ATP2B4: variants seen among roughly 807,000 people sequenced by gnomAD.
ATP2B4 encodes ATPase plasma membrane Ca2+ transporting 4.
In ATP2B4, 39 loss-of-function variants were observed where a neutral mutation model predicts 110.3. The observed-to-expected ratio is 0.35, with a 90% CI of 0.27 to 0.46. The LOEUF (loss-of-function observed/expected upper bound fraction) is 0.46. Ranked by LOEUF, ATP2B4 falls within the 20% of genes least tolerant of loss-of-function variation. The pLI, the probability that ATP2B4 is intolerant of heterozygous loss-of-function variation, is 1.00. For synonymous variants in ATP2B4, 538 were observed against 571.7 expected (o/e 0.94, Z 0.84); for missense variants, 1,135 against 1,530.9 (o/e 0.74, Z 4.32).
Position 203,721,329 on chromosome 1 carries a change from C to A in ATP2B4, c.2731C>A (p.Leu911Met). 1 of 1,614,228 alleles carries A rather than the reference C, an allele frequency of 6.2e-7. No homozygotes were observed. The highest frequency in any genetic ancestry group is 8.5e-7 in the Non-Finnish European group (1 of 1,180,050). The change falls in exon 17 of 21, where the codon CTG becomes ATG. Residue 911 changes from leucine to methionine, a missense_variant. Leu to Met is a conservative substitution (Grantham distance 15). This residue lies in a region of ATP2B4 where 155 missense variants were observed against 186.2 expected (regional missense o/e 0.83). Transcript: ENST00000357681. ...KRRPYGRNKP[L>M]ISRTMMKNIL... ...GCGCCCCTATGGCCGAAATAAGCCT[C>A]TGATCTCACGCACTATGATGAAGAA...
intron 1 of ATP2B4, among the ~76,000 whole-genome samples, chr1:203,654,542 G>C (rs1268552697): frequency 6.6e-6 from 1 of 152,174 alleles, no homozygotes; most frequent in East Asian, 1.9e-4. Context: ...TGATGGATCT[G>C]GGCAAAGTGA....
chr1:203,723,729 A>C, intron 18 of ATP2B4, 152 bp from the exon 19 acceptor site: 1 of 573,642 alleles, frequency 1.7e-6, no homozygotes, highest in South Asian at 2.6e-5. Context: ...CCCCTTTGAG[A>C]TTTCTTCTTT....
intron 20 of ATP2B4, among the ~76,000 whole-genome samples, chr1:203,728,881 G>A (rs149099438): frequency 1.3e-3 from 199 of 150,822 alleles, no homozygotes; most frequent in African/African-American, 4.6e-3. Flanking sequence ...GACTGGGCGC[G>A]GTGGTTCTCA....
chr1:203,723,984 G>A lies in ATP2B4; in HGVS notation c.3128G>A (p.Gly1043Asp), dbSNP rs769569417. The A allele has an allele frequency of 1.9e-5, 31 of 1,608,902 alleles. No individual in the cohort carries two copies. Among genetic ancestry groups the A allele is most frequent in the Non-Finnish European group, 2.5e-5 (30 of 1,177,710 alleles). The change falls in exon 19 of 21, where the codon GGC becomes GAC. Residue 1043 changes from glycine to aspartate, a missense_variant. This residue lies in a region of ATP2B4 where 61 missense variants were observed against 123.4 expected (regional missense o/e 0.49). Transcript: ENST00000357681. ...LFIGIGELLW[G>D]QFISAIPTRS... The stretch of plus-strand genomic sequence containing the variant: ...ATTGGGATTGGAGAACTTCTGTGGG[G>A]CCAGGTGAGTACCGGCACACCCTCC...
chr1:203,728,225 C>G, intron 20 of ATP2B4: 2 of 469,902 alleles, frequency 4.3e-6, no homozygotes, highest in South Asian at 3.1e-5. Flanking sequence ...TCCCTTCTTG[C>G]AATTTCTGAA....
chr1:203,644,713 C>A (rs900605569), intron 1 of ATP2B4, among the ~76,000 whole-genome samples: 16 of 152,188 alleles, frequency 1.1e-4, no homozygotes, highest in African/African-American at 3.6e-4. Context: ...GCTTCAGTGA[C>A]AGAGACTGGT....
At chr1:203,665,471 C>T (rs1407507282) in intron 1 of ATP2B4, among the ~76,000 whole-genome samples, 1 of 152,160 alleles carries the variant, frequency 6.6e-6, no homozygotes, top group African/African-American at 2.4e-5. Flanking sequence ...TTCTTTGCCT[C>T]AGGTGTCTCT....
intron 1 of ATP2B4, among the ~76,000 whole-genome samples, chr1:203,681,684 A>G (rs1335139173): frequency 6.6e-6 from 1 of 152,030 alleles, no homozygotes; most frequent in Non-Finnish European, 1.5e-5. Context: ...CCCCCTAGTT[A>G]GCATGCGTGA....
chr1:203,698,584 C>G (rs1209465690), intron 3 of ATP2B4, among the ~76,000 whole-genome samples: 1 of 150,710 alleles, frequency 6.6e-6, no homozygotes, highest in Non-Finnish European at 1.5e-5. Context: ...TCTATTAAAT[C>G]CTTTTTCGGA....
intron 1 of ATP2B4, among the ~76,000 whole-genome samples, chr1:203,664,180 T>C (rs1017187402): frequency 6.6e-6 from 1 of 152,248 alleles, no homozygotes; most frequent in Admixed American, 6.5e-5. Flanking sequence ...TCTGTCTTTT[T>C]ACTTAGTCTT....
intron 17 of ATP2B4, 114 bp downstream of exon 17, chr1:203,721,524 C>G: frequency 9.6e-7 from 1 of 1,043,502 alleles, no homozygotes; most frequent in South Asian, 1.5e-5. Flanking sequence ...GCTTCACCTC[C>G]CAGTGCTTGC....
intron 1 of ATP2B4, among the ~76,000 whole-genome samples, chr1:203,634,058 A>T (rs1030908949): frequency 1.5e-4 from 23 of 152,136 alleles, no homozygotes; most frequent in Non-Finnish European, 1.8e-4. Flanking sequence ...CTCAAAAAAA[A>T]TTTTTTTAAA....
Position 203,700,943 on chromosome 1 carries a change from A to G in ATP2B4, c.901+20A>G. On this transcript the variant is annotated intron_variant, in intron 6 of 20. Coordinates refer to ENST00000357681, the MANE Select transcript of ATP2B4 (RefSeq NM_001684.5). ...AGAAAGGTAAGGGGCATCTGGAATG[A>G]GATTCTCTTTCCTCTCATCCCCATG... The G allele has an allele frequency of 6.2e-7, 1 of 1,608,186 alleles. No homozygotes were observed. The highest frequency in any genetic ancestry group is 1.1e-5 in the South Asian group (1 of 90,592).
Position 203,743,646 on chromosome 1 carries a change from A to G in ATP2B4, c.*3792A>G. The stretch of plus-strand genomic sequence containing the variant: ...TTTTCAAATTAGCACGCAGATAGGA[A>G]TTTTGAGTTTCTTCTTCTTTTAGTA... On this transcript the variant is annotated 3_prime_UTR_variant, in exon 21 of 21. Coordinates refer to ENST00000357681, the MANE Select transcript of ATP2B4 (RefSeq NM_001684.5). 6.6e-6 allele frequency: 1 copy of G among 152,620 alleles called. No homozygotes were observed. The highest frequency in any genetic ancestry group is 1.9e-4 in the East Asian group (1 of 5,198). 9.5% of individuals were successfully genotyped at this position (152,620 alleles called of 1,614,324 possible).
At chr1:203,699,437 A>G in intron 3 of ATP2B4, 23 bp from the exon 4 acceptor site, 2 of 1,612,966 alleles carry the variant, frequency 1.2e-6, no homozygotes, top group East Asian at 2.2e-5. Context: ...TTCAGTGACT[A>G]TTTCTCTCCC....
chr1:203,711,940 C>G lies in ATP2B4; in HGVS notation c.2032-20C>G. On this transcript the variant is annotated intron_variant, in intron 12 of 20. Transcript: ENST00000357681. ...TCATCACCCTCATCTGCGCCTTTCC[C>G]CTTTCTTCACTCTCCATAGGTGCCA... 6.2e-7 allele frequency: 1 copy of G among 1,612,012 alleles called. No individual in the cohort carries two copies. Among genetic ancestry groups the G allele is most frequent in the Non-Finnish European group, 8.5e-7 (1 of 1,178,660 alleles).
Position 203,683,349 on chromosome 1 carries a change from T to C in ATP2B4, c.144T>C (p.Tyr48=). The C allele has an allele frequency of 6.2e-7, 1 of 1,614,204 alleles. No individual in the cohort carries two copies. Among genetic ancestry groups the C allele is most frequent in the African/African-American group, 1.3e-5 (1 of 75,054 alleles). The change falls in exon 2 of 21, where the codon TAT becomes TAC. Residue 48 remains tyrosine, a synonymous_variant. Coordinates refer to ENST00000357681, the MANE Select transcript of ATP2B4 (RefSeq NM_001684.5). ...RDALTQINVH[Y]GGVQNLCSRL... Reference sequence around the variant, plus strand: ...CACTGACCCAGATTAATGTCCACTATGGAGGTGTACAGAATCTCTGCAGTA... The same window carrying C: ...CACTGACCCAGATTAATGTCCACTACGGAGGTGTACAGAATCTCTGCAGTA...
chr1:203,693,677 A>G (rs1164896069), intron 2 of ATP2B4, among the ~76,000 whole-genome samples: 1 of 152,198 alleles, frequency 6.6e-6, no homozygotes, highest in Non-Finnish European at 1.5e-5. Flanking sequence ...CCCTGAGGCC[A>G]GGAAGAAAAA....
intron 1 of ATP2B4, among the ~76,000 whole-genome samples, chr1:203,676,298 C>T (rs571234830): frequency 2.6e-5 from 4 of 152,242 alleles, no homozygotes; most frequent in African/African-American, 7.2e-5. Flanking sequence ...GCAGGGCAGA[C>T]ATGGGGAGGG....
Sources: allele counts gnomAD v4.1 joint callset (sites outside exome capture counted in the v4.1 genomes callset), GRCh38; gene constraint gnomAD v4.1.1; regional missense constraint gnomAD v4.1.1; transcripts MANE v1.5; gene names NCBI Gene and HGNC (gene_info 2026-07-23, HGNC 2026-07-21).